The following PARD3B variants were observed in gnomAD, a reference collection of about 807,000 sequenced individuals.
The protein encoded by PARD3B is partitioning defective 3 homolog B.
A neutral mutation model predicts 130.2 loss-of-function variants in PARD3B; 103 were observed. The observed-to-expected ratio is 0.79, with a 90% CI of 0.67 to 0.93. The LOEUF is 0.93. PARD3B is among the 40% of genes least tolerant of loss of function. The probability of loss-of-function intolerance (pLI) is 0.00; values close to 1 mark genes in which losing one functional copy is unlikely to be tolerated. For synonymous variants in PARD3B, 583 were observed against 553.2 expected (o/e 1.05, Z -0.76); for missense variants, 1,609 against 1,499.2 (o/e 1.07, Z -1.21).
At chr2:205,357,039 C>T (rs2044220338) in intron 18 of PARD3B, among the ~76,000 whole-genome samples, 1 of 152,160 alleles carries the variant, frequency 6.6e-6, no homozygotes, top group South Asian at 2.1e-4. Context: ...GACTGCTTTC[C>T]ACCTCTGCTC....
chr2:205,358,995 G>T (rs989780951), intron 18 of PARD3B, among the ~76,000 whole-genome samples: 1 of 152,050 alleles, frequency 6.6e-6, no homozygotes, highest in Non-Finnish European at 1.5e-5. Flanking sequence ...CTTTAAATTC[G>T]CAAACATTTC....
intron 4 of PARD3B, among the ~76,000 whole-genome samples, chr2:205,080,636 T>C (rs879889222): frequency 6.6e-6 from 1 of 152,148 alleles, no homozygotes; most frequent in Non-Finnish European, 1.5e-5. Flanking sequence ...CATCTTGCAC[T>C]GTCTTTGGTG....
intron 3 of PARD3B, among the ~76,000 whole-genome samples, chr2:205,006,494 T>C (rs888081584): frequency 2.0e-5 from 3 of 152,222 alleles, no homozygotes; most frequent in South Asian, 2.1e-4. Context: ...TTTTTAATAA[T>C]GGCCATTCTT....
chr2:205,495,652 T>A (rs1236596815), intron 20 of PARD3B, among the ~76,000 whole-genome samples: 3 of 152,164 alleles, frequency 2.0e-5, no homozygotes, highest in Non-Finnish European at 4.4e-5. Flanking sequence ...CCTCAGAAAG[T>A]AAATCCTGTA....
chr2:204,867,740 T>G (rs2125641261), intron 2 of PARD3B, among the ~76,000 whole-genome samples: 1 of 152,306 alleles, frequency 6.6e-6, no homozygotes, highest in African/African-American at 2.4e-5. Context: ...TCTTTCTCTT[T>G]CCGGCGATGT....
Position 204,623,359 on chromosome 2 carries a change from A to T in PARD3B, c.121-62822A>T, listed in dbSNP as rs113950948. Among the ~76,000 whole-genome samples, 2,058 of 152,228 alleles carry T rather than the reference A, an allele frequency of 0.014. 45 individuals carry two copies. Among genetic ancestry groups the T allele is most frequent in the African/African-American group, 0.045 (1,849 of 41,548 alleles). Reference sequence around the variant, plus strand: ...ATAGATTAATGTCACCATTACAATCAAGATAAGGAACTATTCTACCATATT... The same window carrying T: ...ATAGATTAATGTCACCATTACAATCTAGATAAGGAACTATTCTACCATATT... On this transcript the variant is annotated intron_variant, in intron 1 of 22. Coordinates refer to ENST00000406610, the MANE Select transcript of PARD3B (RefSeq NM_001302769.2). This position sits in a 1 kb window ranked among gnomAD's most constrained non-coding sequence, Gnocchi z 4.5.
intron 1 of PARD3B, among the ~76,000 whole-genome samples, chr2:204,658,868 T>C (rs1458165578): frequency 2.0e-5 from 3 of 152,206 alleles, no homozygotes; most frequent in Non-Finnish European, 4.4e-5. Flanking sequence ...TAATAACCTA[T>C]GCCAATAAAT....
chr2:205,490,280 C>T (rs945141047), intron 20 of PARD3B, among the ~76,000 whole-genome samples: 1 of 151,124 alleles, frequency 6.6e-6, no homozygotes, highest in Non-Finnish European at 1.5e-5. Context: ...CACCCCACAA[C>T]AGGCCCCAGT....
chr2:204,705,253 G>C (rs192615504), intron 2 of PARD3B, among the ~76,000 whole-genome samples: 4 of 152,166 alleles, frequency 2.6e-5, no homozygotes, highest in African/African-American at 9.7e-5. Context: ...AAACGTGAAA[G>C]ACAAGGGTCT....
At chr2:205,506,486 C>G (rs1274590631) in intron 21 of PARD3B, among the ~76,000 whole-genome samples, 7 of 152,154 alleles carry the variant, frequency 4.6e-5, no homozygotes, top group Admixed American at 4.6e-4. Flanking sequence ...GTCTAGAAGC[C>G]AACTTGAAGA....
intron 4 of PARD3B, among the ~76,000 whole-genome samples, chr2:205,064,255 A>G (rs527313501): frequency 1.3e-5 from 2 of 152,280 alleles, no homozygotes; most frequent in East Asian, 1.9e-4. Flanking sequence ...TTGAACATCT[A>G]CATCTTGGGA....
At chr2:204,928,860 C>A (rs1486180190) in intron 2 of PARD3B, among the ~76,000 whole-genome samples, 1 of 152,108 alleles carries the variant, frequency 6.6e-6, no homozygotes, top group Non-Finnish European at 1.5e-5. Flanking sequence ...AGCTGACCAA[C>A]TGACAAAATG....
chr2:205,003,632 C>G (rs1297072542), intron 3 of PARD3B, among the ~76,000 whole-genome samples: 1 of 152,180 alleles, frequency 6.6e-6, no homozygotes, highest in Admixed American at 6.5e-5. Context: ...TAGCACGTAT[C>G]CACATCTAAC....
chr2:205,375,845 G>T (rs1467594750), intron 18 of PARD3B, among the ~76,000 whole-genome samples: 1 of 152,146 alleles, frequency 6.6e-6, no homozygotes, highest in African/African-American at 2.4e-5. Context: ...GAGAAGGGGA[G>T]AAACAAGCCC....
chr2:205,554,836 T>G (rs563952445), intron 22 of PARD3B, among the ~76,000 whole-genome samples: 1 of 152,316 alleles, frequency 6.6e-6, no homozygotes, highest in African/African-American at 2.4e-5. Context: ...ATAACGTGTA[T>G]GGGAAGATGT....
intron 4 of PARD3B, among the ~76,000 whole-genome samples, chr2:205,100,141 A>G (rs980130930): frequency 1.2e-4 from 19 of 152,148 alleles, no homozygotes; most frequent in African/African-American, 4.6e-4. Context: ...TTCATTTTTT[A>G]ATCTTGCGTA....
At chr2:205,216,009 G>A (rs1421633647) in intron 15 of PARD3B, among the ~76,000 whole-genome samples, 1 of 152,038 alleles carries the variant, frequency 6.6e-6, no homozygotes, top group Non-Finnish European at 1.5e-5. Context: ...TAGTGTGTAT[G>A]TGTGTGTGTA....
intron 19 of PARD3B, among the ~76,000 whole-genome samples, chr2:205,411,557 G>A (rs553016546): frequency 1.7e-4 from 26 of 152,224 alleles, no homozygotes; most frequent in African/African-American, 6.0e-4. Flanking sequence ...CAGTCTAGGT[G>A]CTGACTGTTA....
At chr2:205,510,224 T>C (rs2050538871) in intron 21 of PARD3B, among the ~76,000 whole-genome samples, 1 of 152,226 alleles carries the variant, frequency 6.6e-6, no homozygotes, top group African/African-American at 2.4e-5. Context: ...ACATGTAAAG[T>C]ACTTAGAATA....
Sources: gnomAD v4.1 joint callset for allele counts (sites outside exome capture counted in the v4.1 genomes callset) on GRCh38, gnomAD v4.1.1 for gene constraint, Gnocchi (gnomAD v3.1) non-coding constraint, MANE v1.5 for transcripts, NCBI Gene and HGNC (gene_info 2026-07-23, HGNC 2026-07-21) for gene names.